Variants in DPP6 observed in about 807,000 individuals in gnomAD.
DPP6 encodes A-type potassium channel modulatory protein DPP6.
A neutral mutation model predicts 122.6 loss-of-function variants in DPP6; 69 were observed. The observed-to-expected ratio is 0.56, with a 90% confidence interval of 0.46 to 0.69. The LOEUF (loss-of-function observed/expected upper bound fraction) is 0.69, where lower values mean the gene tolerates loss of function less well. Ranked by LOEUF, DPP6 falls within the 30% of genes least tolerant of loss-of-function variation. The probability of loss-of-function intolerance (pLI) is 0.00; values close to 1 mark genes in which losing one functional copy is unlikely to be tolerated. For missense variants in DPP6, 928 were observed against 1,116.9 expected (o/e 0.83, Z 2.41); for synonymous variants, 418 against 433.1 (o/e 0.97, Z 0.43).
At chr7:153,846,833 C>T in the DPP6 span, among the ~76,000 whole-genome samples, 2 of 151,926 alleles carry the variant, frequency 1.3e-5, no homozygotes, top group African/African-American at 4.8e-5. Context: ...GCTGGGACTA[C>T]AGGCACCTGC....
chr7:154,051,912 G>T (rs1381720161), upstream of DPP6, among the ~76,000 whole-genome samples: 1 of 151,668 alleles, frequency 6.6e-6, no homozygotes, highest in African/African-American at 2.4e-5. Flanking sequence ...GCTCTCCCAC[G>T]CCCCATTCGC....
chr7:154,150,287 C>G (rs1796344399), intron 1 of DPP6, among the ~76,000 whole-genome samples: 1 of 152,162 alleles, frequency 6.6e-6, no homozygotes, highest in African/African-American at 2.4e-5. Flanking sequence ...CACTTGCCCT[C>G]AGCACTTGGG....
At chr7:154,565,905 A>T (rs1465311408) in intron 4 of DPP6, among the ~76,000 whole-genome samples, 1 of 152,212 alleles carries the variant, frequency 6.6e-6, no homozygotes, top group South Asian at 2.1e-4. Flanking sequence ...GATGTCCACC[A>T]AGTCAGCAAT....
chr7:153,837,836 A>AATTTTTTTT, the DPP6 span, among the ~76,000 whole-genome samples: 1 of 76,794 alleles, frequency 1.3e-5, no homozygotes, highest in African/African-American at 6.1e-5. Flanking sequence ...ATGCCTGGTT[A>AATTTTTTTT]ATTTTTTTTT....
intron 1 of DPP6, among the ~76,000 whole-genome samples, chr7:154,416,309 C>G (rs1190253964): frequency 6.6e-6 from 1 of 152,096 alleles, no homozygotes; most frequent in Non-Finnish European, 1.5e-5. Context: ...TGCTTCTAAC[C>G]TATTGTCAGA....
rs970029428 is a variant in DPP6 at position 154,458,621 on chromosome 7, T to C, written c.358+12293T>C. 3.3e-4 allele frequency among the ~76,000 whole-genome samples: 50 copies of C among 152,316 alleles called. 1 individual carries two copies. The highest frequency in any genetic ancestry group is 1.2e-3 in the African/African-American group (48 of 41,568). ...CTTCTGTTGTTTGAAGCCATCAAGT[T>C]TGTGGTCATTTGTCACAGCAGCCAC... On this transcript the variant is annotated intron_variant, in intron 2 of 25. Coordinates refer to ENST00000377770, the MANE Select transcript of DPP6 (RefSeq NM_130797.4).
intron 7 of DPP6, among the ~76,000 whole-genome samples, chr7:154,672,088 A>G (rs1364985420): frequency 6.6e-6 from 1 of 152,104 alleles, no homozygotes; most frequent in Non-Finnish European, 1.5e-5. Flanking sequence ...TAATTGAATC[A>G]TGGGGGCAGT....
intron 3 of DPP6, among the ~76,000 whole-genome samples, chr7:154,510,073 T>C (rs569062466): frequency 6.6e-6 from 1 of 152,350 alleles, no homozygotes; most frequent in South Asian, 2.1e-4. Context: ...GCACTTTAAA[T>C]TGATGAATTG....
intron 4 of DPP6, among the ~76,000 whole-genome samples, chr7:154,559,975 A>G (rs934635838): frequency 6.7e-6 from 1 of 148,152 alleles, no homozygotes; most frequent in African/African-American, 2.4e-5. Context: ...ATAAAGATAT[A>G]GACATATATA....
intron 1 of DPP6, among the ~76,000 whole-genome samples, chr7:154,343,115 CT>C (rs2151064412): frequency 6.6e-6 from 1 of 152,326 alleles, no homozygotes; most frequent in African/African-American, 2.4e-5. Context: ...TAAAATGACA[CT>C]GGTTTGAATG....
intron 16 of DPP6, among the ~76,000 whole-genome samples, chr7:154,830,771 A>G (rs927926586): frequency 6.6e-6 from 1 of 152,200 alleles, no homozygotes; most frequent in African/African-American, 2.4e-5. Flanking sequence ...GCCACCTCCA[A>G]GCACACACCG....
intron 8 of DPP6, among the ~76,000 whole-genome samples, chr7:154,766,438 C>G (rs1358771522): frequency 6.6e-6 from 1 of 152,166 alleles, no homozygotes; most frequent in Non-Finnish European, 1.5e-5. Context: ...CCTCAGCCTC[C>G]CGAGTAGCTG....
chr7:154,870,503 G>A (rs181753942), intron 18 of DPP6, among the ~76,000 whole-genome samples: 10 of 152,156 alleles, frequency 6.6e-5, no homozygotes, highest in African/African-American at 2.4e-4. Context: ...TTACTTGGGA[G>A]GCTGAGGCAC....
At chr7:154,354,838 G>A (rs892472311) in intron 1 of DPP6, among the ~76,000 whole-genome samples, 2 of 152,198 alleles carry the variant, frequency 1.3e-5, no homozygotes, top group Non-Finnish European at 2.9e-5. Flanking sequence ...AATGCTGCGG[G>A]CACTCTTGTA....
intron 1 of DPP6, among the ~76,000 whole-genome samples, chr7:153,902,910 C>T (rs1799698759): frequency 6.6e-6 from 1 of 152,112 alleles, no homozygotes; most frequent in Admixed American, 6.6e-5. Flanking sequence ...CACTTTCCTC[C>T]TGATTTTCAA....
intron 7 of DPP6, among the ~76,000 whole-genome samples, chr7:154,702,427 A>G: frequency 6.6e-6 from 1 of 152,280 alleles, no homozygotes; most frequent in Non-Finnish European, 1.5e-5. Flanking sequence ...ATAGTTAGCC[A>G]AATTGTGAAG....
chr7:154,162,374 C>A (rs1178453822), intron 1 of DPP6, among the ~76,000 whole-genome samples: 1 of 152,214 alleles, frequency 6.6e-6, no homozygotes, highest in African/African-American at 2.4e-5. Flanking sequence ...AAGTGAATAA[C>A]CCACAATGCC....
At chr7:154,757,191 G>A (rs1005326920) in intron 8 of DPP6, among the ~76,000 whole-genome samples, 2 of 146,442 alleles carry the variant, frequency 1.4e-5, no homozygotes, top group African/African-American at 5.1e-5. Flanking sequence ...CATCCCTCAC[G>A]TTCCCTGAGG....
At chr7:154,652,213 C>T (rs575758795) in intron 6 of DPP6, among the ~76,000 whole-genome samples, 1 of 152,156 alleles carries the variant, frequency 6.6e-6, no homozygotes, top group Non-Finnish European at 1.5e-5. Flanking sequence ...CTCGCCTGCA[C>T]CCTGCTCTGC....
Sources: gnomAD v4.1 joint callset for allele counts (sites outside exome capture counted in the v4.1 genomes callset) on GRCh38, gnomAD v4.1.1 for gene constraint, MANE v1.5 for transcripts, NCBI Gene and HGNC (gene_info 2026-07-23, HGNC 2026-07-21) for gene names.